ANO6: variants seen among roughly 807,000 people sequenced by gnomAD.
ANO6 encodes the protein anoctamin-6.
A neutral mutation model predicts 117.5 loss-of-function variants in ANO6; 106 were observed. The observed-to-expected ratio is 0.90, with a 90% CI of 0.77 to 1.06. The LOEUF (loss-of-function observed/expected upper bound fraction) is 1.06. Ranked by LOEUF, ANO6 falls within the 50% of genes least tolerant of loss-of-function variation. The pLI is 0.00. For missense variants in ANO6, 955 were observed against 1,121.1 expected (o/e 0.85, Z 2.12); for synonymous variants, 367 against 385.1 (o/e 0.95, Z 0.55).
intron 18 of ANO6, among the ~76,000 whole-genome samples, chr12:45,421,785 T>C (rs1439563020): frequency 3.9e-5 from 6 of 152,210 alleles, no homozygotes; most frequent in African/African-American, 1.4e-4. Context: ...TGAACAGTAT[T>C]ATCTAAAAAT....
intron 16 of ANO6, among the ~76,000 whole-genome samples, chr12:45,414,794 C>T (rs576661548): frequency 2.0e-5 from 3 of 152,272 alleles, no homozygotes; most frequent in Non-Finnish European, 4.4e-5. Flanking sequence ...GACAGGGTCT[C>T]GCCCTGTTGC....
intron 1 of ANO6, among the ~76,000 whole-genome samples, chr12:45,222,177 G>C (rs1427785226): frequency 6.7e-6 from 1 of 149,648 alleles, no homozygotes; most frequent in African/African-American, 2.5e-5. Context: ...CACCACGCCC[G>C]GCCCCCCCAC....
At chr12:45,243,492 A>G (rs971412910) in intron 1 of ANO6, among the ~76,000 whole-genome samples, 2 of 152,166 alleles carry the variant, frequency 1.3e-5, no homozygotes, top group Admixed American at 6.5e-5. Context: ...TTCCAGGTAT[A>G]TAAAGCAGTG....
At chr12:45,230,398 C>G (rs993155066) in intron 1 of ANO6, among the ~76,000 whole-genome samples, 2 of 150,482 alleles carry the variant, frequency 1.3e-5, no homozygotes, top group Admixed American at 1.3e-4. Context: ...TAATGATACT[C>G]TACTTGGACT....
At chr12:45,364,797 C>A (rs1941642432) in intron 8 of ANO6, among the ~76,000 whole-genome samples, 1 of 152,182 alleles carries the variant, frequency 6.6e-6, no homozygotes, top group African/African-American at 2.4e-5. Flanking sequence ...GTTTTACTGA[C>A]TGCTTTTTCC....
intron 8 of ANO6, among the ~76,000 whole-genome samples, chr12:45,360,361 G>T (rs1360449544): frequency 6.6e-6 from 1 of 152,186 alleles, no homozygotes; most frequent in Non-Finnish European, 1.5e-5. Context: ...GAAGGCATAA[G>T]GGCAAGTGGG....
intron 17 of ANO6, among the ~76,000 whole-genome samples, chr12:45,417,601 T>C (rs1405097652): frequency 1.3e-5 from 2 of 152,212 alleles, no homozygotes; most frequent in African/African-American, 4.8e-5. Context: ...CATTTTTATG[T>C]ACAGGCACAC....
At chr12:45,433,543 G>A (rs530239839), downstream of ANO6, among the ~76,000 whole-genome samples, 81 of 152,262 alleles carry the variant, frequency 5.3e-4, no homozygotes, top group South Asian at 1.0e-3. Context: ...AACCTAACAC[G>A]GTGAGTTTTG....
At chr12:45,301,145 CATAA>C (rs1335786084) in intron 1 of ANO6, among the ~76,000 whole-genome samples, 1 of 152,152 alleles carries the variant, frequency 6.6e-6, no homozygotes, top group African/African-American at 2.4e-5. Context: ...TAAAATATTT[CATAA>C]ATAGTTTTTA....
chr12:45,417,057 T>C (rs1305216491), intron 17 of ANO6, among the ~76,000 whole-genome samples, 153 bp downstream of exon 17: 1 of 152,250 alleles, frequency 6.6e-6, no homozygotes, highest in Admixed American at 6.5e-5. Context: ...TAACCACTTG[T>C]TAAATGTATT....
intron 6 of ANO6, among the ~76,000 whole-genome samples, chr12:45,349,198 A>T (rs1402232371): frequency 6.6e-6 from 1 of 152,186 alleles, no homozygotes; most frequent in Admixed American, 6.5e-5. Flanking sequence ...TACATGTTAG[A>T]CCTTCTCATT....
chr12:45,219,705 G>A (rs529330599), intron 1 of ANO6, among the ~76,000 whole-genome samples: 28 of 152,230 alleles, frequency 1.8e-4, no homozygotes, highest in Admixed American at 5.2e-4. Flanking sequence ...GAGAATCAAG[G>A]ATAGTACATC....
At chr12:45,242,673 C>T (rs773270495) in intron 1 of ANO6, among the ~76,000 whole-genome samples, 1 of 152,230 alleles carries the variant, frequency 6.6e-6, no homozygotes, top group Non-Finnish European at 1.5e-5. Context: ...CTGGGAGCTG[C>T]ATACCAGAGC....
intron 3 of ANO6, among the ~76,000 whole-genome samples, chr12:45,344,234 C>T (rs768809030): frequency 6.6e-6 from 1 of 152,158 alleles, no homozygotes; most frequent in Non-Finnish European, 1.5e-5. Context: ...GTCTCCAGTA[C>T]TTTGCAGGAT....
chr12:45,260,989 G>GT (rs1046884283), intron 1 of ANO6, among the ~76,000 whole-genome samples: 8 of 151,276 alleles, frequency 5.3e-5, no homozygotes, highest in South Asian at 2.1e-4. Flanking sequence ...GTTTTGTTTT[G>GT]TTTTTTTGGT....
chr12:45,393,960 A>G (rs978270601), intron 12 of ANO6, among the ~76,000 whole-genome samples: 4 of 152,212 alleles, frequency 2.6e-5, no homozygotes, highest in Non-Finnish European at 5.9e-5. Context: ...TAAGCAGCGA[A>G]TGTCATAATG....
In ANO6 at chr12:45,350,300, A is replaced by G. The variant is rs187925703; in HGVS notation, c.748-359A>G. Among the ~76,000 whole-genome samples the G allele has an allele frequency of 2.8e-3, 424 of 152,276 alleles. 5 individuals are homozygous for G. Among genetic ancestry groups the G allele is most frequent in the Non-Finnish European group, 2.0e-3 (136 of 68,030 alleles). On this transcript the variant is annotated intron_variant, in intron 6 of 19. Coordinates refer to ENST00000320560, the MANE Select transcript of ANO6 (RefSeq NM_001025356.3). ...CATTGTCCAAGGAGAGGGGTGGGTT[A>G]TCACGTGTTCCTCTGGTGTGGTGAT...
intron 1 of ANO6, among the ~76,000 whole-genome samples, chr12:45,283,426 G>A (rs980659165): frequency 2.0e-5 from 3 of 152,332 alleles, no homozygotes; most frequent in South Asian, 2.1e-4. Context: ...CCATGAGGAG[G>A]AGTGGGTAGA....
chr12:45,332,196 G>A (rs759812359), intron 3 of ANO6, among the ~76,000 whole-genome samples: 22 of 151,924 alleles, frequency 1.4e-4, no homozygotes, highest in Non-Finnish European at 3.1e-4. Context: ...AAAAAAGATT[G>A]CATATATGTG....
Sources: allele counts gnomAD v4.1 joint callset (sites outside exome capture counted in the v4.1 genomes callset), GRCh38; gene constraint gnomAD v4.1.1; transcripts MANE v1.5; gene names NCBI Gene and HGNC (gene_info 2026-07-23, HGNC 2026-07-21).